SRGAP1: variants seen among roughly 807,000 people sequenced by gnomAD.
SRGAP1 encodes SLIT-ROBO Rho GTPase-activating protein 1.
In SRGAP1, 43 loss-of-function variants were observed where a neutral mutation model predicts 121.9. The ratio of observed to expected loss-of-function variants is 0.35; its 90% CI spans 0.28 to 0.46. SRGAP1 has a LOEUF of 0.46. SRGAP1 is among the 20% of genes least tolerant of loss of function. The pLI is 1.00. For synonymous variants in SRGAP1, 447 were observed against 485.4 expected, an observed-to-expected ratio of 0.92 and a Z score of 1.04; for missense variants, 1,102 against 1,350.9, an observed-to-expected ratio of 0.82 and a Z score of 2.89.
intron 3 of SRGAP1, among the ~76,000 whole-genome samples, chr12:64,015,117 A>G (rs2034367415): frequency 6.6e-6 from 1 of 152,154 alleles, no homozygotes; most frequent in South Asian, 2.1e-4. Context: ...GCGACCAGCC[A>G]TCTTTTCTTT....
intron 10 of SRGAP1, among the ~76,000 whole-genome samples, chr12:64,084,906 G>T (rs557476652): frequency 8.6e-5 from 13 of 151,988 alleles, no homozygotes; most frequent in African/African-American, 3.1e-4. Flanking sequence ...CATATTTATA[G>T]AATTTATTAA....
chr12:63,889,428 C>G (rs373151759), intron 1 of SRGAP1, among the ~76,000 whole-genome samples: 2 of 152,086 alleles, frequency 1.3e-5, no homozygotes, highest in Non-Finnish European at 2.9e-5. Flanking sequence ...TTCCTCTACT[C>G]AAGTAGATTT....
rs566872266 is a variant in SRGAP1 at position 63,997,698 on chromosome 12, G to C, written c.426+7626G>C. Reference sequence around the variant, plus strand: ...GGTCCAGGTATACCAGTGTTTGTTTGCTGTAAAGGAGTGGGAAAACCCTAT... The same window carrying C: ...GGTCCAGGTATACCAGTGTTTGTTTCCTGTAAAGGAGTGGGAAAACCCTAT... On this transcript the variant is annotated intron_variant, in intron 3 of 21. Transcript: ENST00000355086. Among the ~76,000 whole-genome samples, 546 of 152,174 alleles carry C rather than the reference G, an allele frequency of 3.6e-3. 2 individuals are homozygous for C. The highest frequency in any genetic ancestry group is 4.9e-3 in the Non-Finnish European group (330 of 67,994).
chr12:64,097,948 A>G (rs2036189234), intron 15 of SRGAP1, among the ~76,000 whole-genome samples: 1 of 152,150 alleles, frequency 6.6e-6, no homozygotes, highest in African/African-American at 2.4e-5. Flanking sequence ...TGTTTACTTC[A>G]GTGGGGGCTT....
intron 4 of SRGAP1, among the ~76,000 whole-genome samples, chr12:64,020,072 A>T (rs1033555309): frequency 3.3e-5 from 5 of 152,200 alleles, no homozygotes. Context: ...GGTGGGTGAC[A>T]GCCTTATGTT....
At chr12:63,979,586 C>G (rs2033191983) in intron 1 of SRGAP1, among the ~76,000 whole-genome samples, 1 of 152,028 alleles carries the variant, frequency 6.6e-6, no homozygotes, top group African/African-American at 2.4e-5. Flanking sequence ...CTTCCTGTTG[C>G]ACTTCATTGT....
At chr12:63,913,478 G>GATATATATATATATAT (rs143358798) in intron 1 of SRGAP1, among the ~76,000 whole-genome samples, 3 of 130,988 alleles carry the variant, frequency 2.3e-5, no homozygotes, top group Admixed American at 1.6e-4. Flanking sequence ...TATATATATG[G>GATATATATATATATAT]ATATATATAT....
chr12:64,074,530 C>G (rs2136555085), intron 8 of SRGAP1, among the ~76,000 whole-genome samples: 1 of 152,294 alleles, frequency 6.6e-6, no homozygotes, highest in East Asian at 1.9e-4. Context: ...AGGCCAGGGT[C>G]TCTCTTTTCC....
At chr12:64,138,808 A>G (rs1000117166) in intron 21 of SRGAP1, among the ~76,000 whole-genome samples, 9 of 152,146 alleles carry the variant, frequency 5.9e-5, no homozygotes, top group African/African-American at 1.2e-4. Context: ...CATAAATGCA[A>G]TAATTAAAAA....
At chr12:64,056,555 A>G (rs1015500883) in intron 6 of SRGAP1, among the ~76,000 whole-genome samples, 1 of 151,374 alleles carries the variant, frequency 6.6e-6, no homozygotes, top group African/African-American at 2.4e-5. Flanking sequence ...TCCACAAAAA[A>G]AAAAAAAAAA....
chr12:64,086,931 AC>A (rs1434153858), intron 10 of SRGAP1, 67 bp from the exon 11 acceptor site: 1 of 1,176,110 alleles, frequency 8.5e-7, no homozygotes, highest in Non-Finnish European at 1.3e-6. Context: ...GATAGGAGAT[AC>A]AAAAGAGTAC....
chr12:64,008,798 A>G (rs1302062259), intron 3 of SRGAP1, among the ~76,000 whole-genome samples: 1 of 152,136 alleles, frequency 6.6e-6, no homozygotes, highest in African/African-American at 2.4e-5. Flanking sequence ...TGCTAATCCA[A>G]TGGATGACTT....
Position 64,145,959 on chromosome 12 carries a change from A to G in SRGAP1, c.*3287A>G, listed in dbSNP as rs2037045227. The G allele has an allele frequency of 6.6e-6, 1 of 152,168 alleles. No individual in the cohort carries two copies. Among genetic ancestry groups the G allele is most frequent in the South Asian group, 2.1e-4 (1 of 4,830 alleles). The allele number at this position is 152,168 out of a possible 1,614,324, so 9.4% of individuals were successfully genotyped here. ...ATTACCTGACTCCACTGACACAAGA[A>G]TATGTATTCTCAGCTGATATAACTG... On this transcript the variant is annotated 3_prime_UTR_variant, in exon 22 of 22. Coordinates refer to ENST00000355086, the MANE Select transcript of SRGAP1 (RefSeq NM_020762.4).
At chr12:63,929,334 A>G (rs2031376525) in intron 1 of SRGAP1, among the ~76,000 whole-genome samples, 1 of 152,214 alleles carries the variant, frequency 6.6e-6, no homozygotes, top group Non-Finnish European at 1.5e-5. Context: ...TCTACCTTAT[A>G]AGGTCATTAC....
At chr12:64,091,833 C>A in intron 12 of SRGAP1, 1 of 1,355,248 alleles carries the variant, frequency 7.4e-7, no homozygotes. Context: ...ATACCTTGTA[C>A]CTCTGCTGTG....
intron 1 of SRGAP1, among the ~76,000 whole-genome samples, chr12:63,927,095 A>G (rs1182036599): frequency 6.6e-6 from 1 of 152,158 alleles, no homozygotes; most frequent in Non-Finnish European, 1.5e-5. Flanking sequence ...TTTTATAGTA[A>G]TGGAGGGAGT....
intron 3 of SRGAP1, among the ~76,000 whole-genome samples, chr12:63,993,395 G>A (rs1260043218): frequency 2.0e-5 from 3 of 152,146 alleles, no homozygotes; most frequent in African/African-American, 7.2e-5. Context: ...CCATTGTTAT[G>A]GTTCTAGGTC....
chr12:64,062,467 A>G (rs1469666747), intron 6 of SRGAP1, among the ~76,000 whole-genome samples: 1 of 151,754 alleles, frequency 6.6e-6, no homozygotes, highest in Non-Finnish European at 1.5e-5. Flanking sequence ...ATTTGCAAAA[A>G]TATCTTCCCA....
chr12:63,903,374 G>T (rs1405948147), intron 1 of SRGAP1, among the ~76,000 whole-genome samples: 1 of 151,810 alleles, frequency 6.6e-6, no homozygotes, highest in Admixed American at 6.6e-5. Context: ...TTTACAATTT[G>T]CAAATTGTAA....
Sources: gnomAD v4.1 joint callset for allele counts (sites outside exome capture counted in the v4.1 genomes callset) on GRCh38, gnomAD v4.1.1 for gene constraint, MANE v1.5 for transcripts, NCBI Gene and HGNC (gene_info 2026-07-23, HGNC 2026-07-21) for gene names.